Variants in PTPRD observed in about 807,000 individuals in gnomAD.
PTPRD encodes protein tyrosine phosphatase receptor type D.
PTPRD carries 34 observed loss-of-function variants against 214.5 expected under a neutral mutation model. That is an observed-to-expected ratio of 0.16 (90% CI 0.12 to 0.21). PTPRD has a LOEUF of 0.21. Ranked by LOEUF, PTPRD falls within the 10% of genes least tolerant of loss-of-function variation. PTPRD has a pLI of 1.00. For synonymous variants in PTPRD, 1,128 were observed against 845.7 expected (o/e 1.33, Z -5.79); for missense variants, 2,545 against 2,398.7 (o/e 1.06, Z -1.27).
intron 9 of PTPRD, among the ~76,000 whole-genome samples, chr9:9,340,683 T>C: frequency 6.6e-6 from 1 of 152,226 alleles, no homozygotes. Flanking sequence ...GCTGGAAAGC[T>C]GTTGGACATG....
At chr9:9,935,845 A>C (rs1457565056) in intron 5 of PTPRD, among the ~76,000 whole-genome samples, 3 of 149,656 alleles carry the variant, frequency 2.0e-5, no homozygotes, top group South Asian at 2.1e-4. Context: ...AGGCTACAGT[A>C]ACCAAAACAG....
chr9:10,094,539 C>CTTTTTTTT (rs5896370), intron 3 of PTPRD, among the ~76,000 whole-genome samples: 4 of 121,158 alleles, frequency 3.3e-5, no homozygotes, highest in Non-Finnish European at 5.1e-5. Flanking sequence ...TTCTTTCTTT[C>CTTTTTTTT]TTTTTTTTTT....
At chr9:8,477,926 G>A (rs56807533) in intron 30 of PTPRD, among the ~76,000 whole-genome samples, 4 of 152,176 alleles carry the variant, frequency 2.6e-5, no homozygotes, top group Non-Finnish European at 5.9e-5. Context: ...CTCTGGTTTT[G>A]TATTGCCAGC....
intron 12 of PTPRD, among the ~76,000 whole-genome samples, chr9:8,726,808 A>C (rs2098582465): frequency 6.8e-6 from 1 of 146,734 alleles, no homozygotes; most frequent in African/African-American, 2.5e-5. Flanking sequence ...CTCAAGAAAA[A>C]AAAAAAAAAA....
At chr9:10,274,114 C>T (rs1237169577) in intron 3 of PTPRD, among the ~76,000 whole-genome samples, 2 of 152,088 alleles carry the variant, frequency 1.3e-5, no homozygotes, top group African/African-American at 4.8e-5. Context: ...CAGTTAACCT[C>T]CAAAGTTCTG....
chr9:8,591,442 TCACTGACTTCTATA>T (rs1033518175), intron 14 of PTPRD, among the ~76,000 whole-genome samples: 24 of 152,308 alleles, frequency 1.6e-4, no homozygotes, highest in African/African-American at 5.5e-4. Context: ...CATTTTGACT[TCACTGACTTCTATA>T]CACTGATCCA....
chr9:8,347,935 T>G (rs2074331709), intron 39 of PTPRD, among the ~76,000 whole-genome samples: 1 of 152,098 alleles, frequency 6.6e-6, no homozygotes. Flanking sequence ...TTTGAGCCAC[T>G]CAGTTCGGAG....
At chr9:8,463,336 A>G (rs952861617) in intron 32 of PTPRD, among the ~76,000 whole-genome samples, 1 of 141,466 alleles carries the variant, frequency 7.1e-6, no homozygotes, top group Non-Finnish European at 1.5e-5. Flanking sequence ...AAAAAAAAAG[A>G]TGTGTATGGT....
chr9:8,604,191 A>C (rs1382832986), intron 14 of PTPRD, among the ~76,000 whole-genome samples: 2 of 152,214 alleles, frequency 1.3e-5, no homozygotes, highest in Non-Finnish European at 2.9e-5. Flanking sequence ...CCAGGAGAGG[A>C]GGGGAGACCC....
intron 8 of PTPRD, among the ~76,000 whole-genome samples, chr9:9,495,890 G>A (rs2096160129): frequency 6.6e-6 from 1 of 152,198 alleles, no homozygotes; most frequent in Non-Finnish European, 1.5e-5. Flanking sequence ...TGCAGACAAT[G>A]AAACCAACAG....
chr9:10,551,401 A>G (rs1389121910), intron 2 of PTPRD, among the ~76,000 whole-genome samples: 1 of 152,114 alleles, frequency 6.6e-6, no homozygotes, highest in Non-Finnish European at 1.5e-5. Flanking sequence ...TCCTTGTGCT[A>G]TGGTTTGAAT....
rs533524911 is a variant in PTPRD at position 10,518,743 on chromosome 9, A to G, written c.-600+93655T>C. Among the ~76,000 whole-genome samples, 38 of 152,174 alleles carry G rather than the reference A, an allele frequency of 2.5e-4. No homozygotes were observed. The South Asian group carries it at 5.2e-3, about 21-fold the overall frequency. ...CAGACAGGGTTTTACCGTGTTAGCC[A>G]AGATGGTCTTGATCTCCTGACCTCG... On this transcript the variant is annotated intron_variant, in intron 2 of 45. Transcript: ENST00000381196.
chr9:9,827,348 T>C (rs1321672638), intron 5 of PTPRD, among the ~76,000 whole-genome samples: 3 of 151,950 alleles, frequency 2.0e-5, no homozygotes, highest in East Asian at 1.9e-4. Context: ...TCAGAAATAA[T>C]GCCGCATATC....
chr9:8,550,212 G>A (rs2081597507), intron 14 of PTPRD, among the ~76,000 whole-genome samples: 1 of 151,892 alleles, frequency 6.6e-6, no homozygotes, highest in South Asian at 2.1e-4. Flanking sequence ...TTTTAAATAG[G>A]CCTACATTCC....
At chr9:9,794,617 TTG>T (rs1384345788) in intron 5 of PTPRD, among the ~76,000 whole-genome samples, 1 of 144,076 alleles carries the variant, frequency 6.9e-6, no homozygotes, top group Non-Finnish European at 1.6e-5. Flanking sequence ...ATGACTAACA[TTG>T]TTTGTCGACT....
rs1292100430 is a variant in PTPRD at position 8,387,473 on chromosome 9, A to T, written c.4386+1759T>A. ...TGAAGGCCTGCAGTGTCAAGATAAA[A>T]TGTGTGTTTTACTGAAAACAGCTTT... is the stretch of plus-strand genomic sequence containing the variant. On this transcript the variant is annotated intron_variant, in intron 37 of 45. Transcript: ENST00000381196. 1.1e-4 allele frequency among the ~76,000 whole-genome samples: 17 copies of T among 152,348 alleles called. No homozygotes were observed. In the East Asian group the frequency reaches 3.3e-3, roughly 29 times the overall value.
intron 8 of PTPRD, among the ~76,000 whole-genome samples, chr9:9,491,399 A>T (rs572814287): frequency 2.6e-4 from 40 of 152,104 alleles, no homozygotes; most frequent in African/African-American, 9.6e-4. Flanking sequence ...TAGACAGAAG[A>T]TGTGTAAGGA....
In PTPRD at chr9:8,404,431, C is replaced by G. The variant is rs1042783293; in HGVS notation, c.4210+106G>C. 7.0e-6 allele frequency: 10 copies of G among 1,436,394 alleles called. No homozygotes were observed. In the East Asian group the frequency reaches 9.7e-5, roughly 14 times the overall value. The allele number at this position is 1,436,394 out of a possible 1,614,324, so 89.0% of individuals were successfully genotyped here. A position where few individuals can be genotyped will look rare whatever the true frequency, so the allele number is the denominator to read the frequency against. ...GGCGTGAGCCACCATGCACAGCCAT[C>G]TTAATTACTTTCAGAGATGGTTAAT... On this transcript the variant is annotated intron_variant, in intron 36 of 45. Transcript: ENST00000381196.
chr9:9,450,465 G>T (rs892283898), intron 8 of PTPRD, among the ~76,000 whole-genome samples: 1 of 151,818 alleles, frequency 6.6e-6, no homozygotes, highest in African/African-American at 2.4e-5. Context: ...CATTCTTGCA[G>T]GAGTAAGGTG....
Sources: gnomAD v4.1 joint callset for allele counts (sites outside exome capture counted in the v4.1 genomes callset) on GRCh38, gnomAD v4.1.1 for gene constraint, MANE v1.5 for transcripts, NCBI Gene and HGNC (gene_info 2026-07-23, HGNC 2026-07-21) for gene names.